TRHDE: variants seen among roughly 807,000 people sequenced by gnomAD.
TRHDE encodes the protein thyrotropin releasing hormone degrading enzyme, also known as thyrotropin-releasing hormone-degrading ectoenzyme.
A neutral mutation model predicts 125.7 loss-of-function variants in TRHDE; 72 were observed. That is an observed-to-expected ratio of 0.57 (90% confidence interval 0.47 to 0.70). The LOEUF (loss-of-function observed/expected upper bound fraction) is 0.70, where lower values mean the gene tolerates loss of function less well. Among genes scored for constraint, TRHDE ranks in the 30% least tolerant of loss-of-function variants. The pLI is 0.00. For synonymous variants in TRHDE, 509 were observed against 509.1 expected (o/e 1.00, Z 0.00); for missense variants, 1,110 against 1,327.1 (o/e 0.84, Z 2.54).
At chr12:72,363,455 G>T (rs1401845101) in intron 2 of TRHDE, among the ~76,000 whole-genome samples, 1 of 151,918 alleles carries the variant, frequency 6.6e-6, no homozygotes, top group East Asian at 1.9e-4. Flanking sequence ...GGGATGCAAG[G>T]CTGGTTCAAT....
chr12:72,208,267 TC>T (rs1487907912), intron 2 of TRHDE, among the ~76,000 whole-genome samples: 1 of 151,940 alleles, frequency 6.6e-6, no homozygotes, highest in East Asian at 1.9e-4. Context: ...GAGTCAAATC[TC>T]CCCTTGAACC....
chr12:72,501,007 C>T (rs916044592), intron 6 of TRHDE, among the ~76,000 whole-genome samples: 1 of 151,974 alleles, frequency 6.6e-6, no homozygotes, highest in African/African-American at 2.4e-5. Flanking sequence ...GCAATATTGA[C>T]TGACCCATGA....
intron 2 of TRHDE, among the ~76,000 whole-genome samples, chr12:72,342,968 T>A (rs1870150075): frequency 6.6e-6 from 1 of 152,144 alleles, no homozygotes; most frequent in African/African-American, 2.4e-5. Flanking sequence ...TAACGTCCTA[T>A]GAGGTGGGTC....
intron 2 of TRHDE, among the ~76,000 whole-genome samples, chr12:72,180,328 T>C (rs887481764): frequency 6.6e-6 from 1 of 152,146 alleles, no homozygotes; most frequent in African/African-American, 2.4e-5. Context: ...ATCTTAATAT[T>C]ATAATAAGAA....
At chr12:72,401,638 T>TTTAA (rs1873045864) in intron 3 of TRHDE, among the ~76,000 whole-genome samples, 1 of 152,216 alleles carries the variant, frequency 6.6e-6, no homozygotes, top group Non-Finnish European at 1.5e-5. Context: ...TTATATTCAA[T>TTTAA]GCCATTTAAA....
chr12:72,635,502 T>G (rs1873701652), intron 15 of TRHDE, among the ~76,000 whole-genome samples: 1 of 152,202 alleles, frequency 6.6e-6, no homozygotes, highest in Admixed American at 6.5e-5. Context: ...AGCTCTTTAG[T>G]TTAATGAGAT....
At chr12:72,469,031 A>G (rs2135896335) in intron 3 of TRHDE, among the ~76,000 whole-genome samples, 1 of 152,334 alleles carries the variant, frequency 6.6e-6, no homozygotes, top group Non-Finnish European at 1.5e-5. Context: ...TCTTAGAGTC[A>G]TCTAATCATA....
intron 2 of TRHDE, among the ~76,000 whole-genome samples, chr12:72,187,825 T>C (rs1443493971): frequency 6.6e-6 from 1 of 152,170 alleles, no homozygotes; most frequent in Non-Finnish European, 1.5e-5. Flanking sequence ...TACATTGTAA[T>C]TGAAAGATAT....
intron 2 of TRHDE, among the ~76,000 whole-genome samples, chr12:72,219,391 T>C (rs1271106572): frequency 1.3e-5 from 2 of 152,148 alleles, no homozygotes; most frequent in Non-Finnish European, 2.9e-5. Flanking sequence ...GTTTTTGTTC[T>C]CATGAAACCC....
chr12:72,535,240 C>T (rs1376719829), intron 6 of TRHDE, among the ~76,000 whole-genome samples: 3 of 151,896 alleles, frequency 2.0e-5, no homozygotes, highest in Non-Finnish European at 4.4e-5. Context: ...TTGTTATGTT[C>T]TAATTGTAGA....
intron 3 of TRHDE, among the ~76,000 whole-genome samples, chr12:72,396,729 C>T (rs1006620249): frequency 1.3e-4 from 19 of 151,798 alleles, no homozygotes; most frequent in Admixed American, 2.0e-4. Flanking sequence ...GGCAGCAGAG[C>T]GAGACTCCAT....
intron 12 of TRHDE, among the ~76,000 whole-genome samples, chr12:72,591,939 C>T (rs994769608): frequency 6.6e-6 from 1 of 151,558 alleles, no homozygotes; most frequent in East Asian, 1.9e-4. Context: ...TGACTTTTGA[C>T]AGTTTAACTA....
At chr12:72,607,112 A>T (rs187363152) in intron 12 of TRHDE, among the ~76,000 whole-genome samples, 2 of 152,092 alleles carry the variant, frequency 1.3e-5, no homozygotes, top group East Asian at 1.9e-4. Context: ...CATTTTAATT[A>T]AAAAAAATTT....
rs1235571415 is a variant in TRHDE, at chr12:72,414,542, G to A, written c.1315+36421G>A. ...ACAACTCTGTCGAATTAAGAATAGAGTAGGGTAATTGAATAAGGTCAGGAA... is the reference window on the plus strand; with the variant it reads ...ACAACTCTGTCGAATTAAGAATAGAATAGGGTAATTGAATAAGGTCAGGAA... On this transcript the variant is annotated intron_variant, in intron 3 of 18. Coordinates refer to ENST00000261180, the MANE Select transcript of TRHDE (RefSeq NM_013381.3). 2.0e-5 allele frequency among the ~76,000 whole-genome samples: 3 copies of A among 152,218 alleles called. 1 individual carries two copies. Among genetic ancestry groups the A allele is most frequent in the Admixed American group, 2.0e-4 (3 of 15,274 alleles).
At chr12:72,381,886 A>G (rs1209241785) in intron 3 of TRHDE, among the ~76,000 whole-genome samples, 1 of 152,200 alleles carries the variant, frequency 6.6e-6, no homozygotes, top group Non-Finnish European at 1.5e-5. Flanking sequence ...TTATGTCTGT[A>G]AGAAATCCAG....
intron 11 of TRHDE, 21 bp from the exon 12 acceptor site, chr12:72,575,466 A>T: frequency 6.2e-7 from 1 of 1,613,364 alleles, no homozygotes; most frequent in Non-Finnish European, 8.5e-7. Context: ...TTATCCTATT[A>T]TTTTTTCTAA....
intron 2 of TRHDE, among the ~76,000 whole-genome samples, chr12:72,266,458 A>G (rs1879072175): frequency 6.6e-6 from 1 of 151,824 alleles, no homozygotes; most frequent in Non-Finnish European, 1.5e-5. Flanking sequence ...TCAGTCCAGG[A>G]ATAATAATGT....
At chr12:72,435,973 C>T (rs1313345763) in intron 3 of TRHDE, among the ~76,000 whole-genome samples, 2 of 151,724 alleles carry the variant, frequency 1.3e-5, no homozygotes, top group Non-Finnish European at 1.5e-5. Flanking sequence ...ACATATGTTC[C>T]CCCCGACCAA....
At chr12:72,510,956 A>T (rs969247768) in intron 6 of TRHDE, among the ~76,000 whole-genome samples, 3 of 152,190 alleles carry the variant, frequency 2.0e-5, no homozygotes, top group Non-Finnish European at 4.4e-5. Flanking sequence ...TAATATGTGA[A>T]TGGTCGTTAT....
Sources: allele counts gnomAD v4.1 joint callset (sites outside exome capture counted in the v4.1 genomes callset), GRCh38; gene constraint gnomAD v4.1.1; transcripts MANE v1.5; gene names NCBI Gene and HGNC (gene_info 2026-07-23, HGNC 2026-07-21).